The following CLPB variants were observed in gnomAD, a reference collection of about 807,000 sequenced individuals.
The protein encoded by CLPB is mitochondrial disaggregase.
Under a neutral mutation model 78.4 loss-of-function variants are expected in CLPB, and 40 were observed. That is an observed-to-expected ratio of 0.51 (90% confidence interval 0.40 to 0.66). CLPB has a LOEUF of 0.66. Among genes scored for constraint, CLPB ranks in the 30% least tolerant of loss-of-function variants. The probability of loss-of-function intolerance (pLI) is 0.00; values close to 1 mark genes in which losing one functional copy is unlikely to be tolerated. For missense variants in CLPB, 780 were observed against 886.9 expected (o/e 0.88, Z 1.53); for synonymous variants, 333 against 348.0 (o/e 0.96, Z 0.48).
At chr11:72,305,647 C>T (rs1949733714) in intron 9 of CLPB, among the ~76,000 whole-genome samples, 1 of 152,186 alleles carries the variant, frequency 6.6e-6, no homozygotes, top group South Asian at 2.1e-4. Context: ...GCACTGCCTC[C>T]GAGGGTGGTG....
At chr11:72,327,714 G>C (rs1290137143) in intron 6 of CLPB, among the ~76,000 whole-genome samples, 1 of 152,222 alleles carries the variant, frequency 6.6e-6, no homozygotes, top group South Asian at 2.1e-4. Flanking sequence ...GGGAGCTGAT[G>C]ATGAGCATGC....
chr11:72,305,743 G>T (rs1344237864), intron 9 of CLPB, among the ~76,000 whole-genome samples: 3 of 152,156 alleles, frequency 2.0e-5, no homozygotes, highest in African/African-American at 7.2e-5. Context: ...ATTCAGTTGT[G>T]CCAACTAAAA....
At position 72,434,198 on chromosome 11, in the gene CLPB, C is replaced by T. The variant is rs764803556; in HGVS notation, c.277G>A (p.Gly93Ser). Residue 93 changes from glycine to serine, a missense_variant, in exon 1 of 16, where the codon GGT becomes AGT. Gly to Ser is a moderately conservative substitution (Grantham distance 56). Around this residue, in one of 3 missense-constraint regions of CLPB, gnomAD observed 417 missense variants for 414.7 expected, o/e 1.01. Transcript: ENST00000538039. ...LAAATWGRLP[G>S]PEETLPGQDS... Reference sequence around the variant, plus strand: ...TGTCCTGGGAGTGTTTCTTCGGGACCAGGAAGGCGTCCCCAAGTGGCAGCC... The same window carrying T: ...TGTCCTGGGAGTGTTTCTTCGGGACTAGGAAGGCGTCCCCAAGTGGCAGCC... The T allele has an allele frequency of 4.3e-6, 7 of 1,613,382 alleles. No individual in the cohort carries two copies. The South Asian group carries it at 7.7e-5, about 18-fold the overall frequency.
At position 72,377,612 on chromosome 11, in the gene CLPB, A is replaced by C. The variant is rs138783442; in HGVS notation, c.646+2669T>G. 3.2e-4 allele frequency among the ~76,000 whole-genome samples: 42 copies of C among 129,692 alleles called. No homozygotes were observed. In the East Asian group the frequency reaches 9.5e-3, roughly 29 times the overall value. 85.1% of individuals were successfully genotyped at this position (129,692 alleles called of 152,430 possible). ...AAAATAATCCAGAGGTTGACCAGGA[A>C]AAAGAAAATAAAAGAAAAAAGAAAA... On this transcript the variant is annotated intron_variant, in intron 4 of 15. Transcript: ENST00000538039.
At chr11:72,367,074 C>T (rs528171589) in intron 4 of CLPB, among the ~76,000 whole-genome samples, 1 of 152,270 alleles carries the variant, frequency 6.6e-6, no homozygotes, top group South Asian at 2.1e-4. Context: ...GAAATCATGT[C>T]CTTTGCAACA....
chr11:72,418,396 T>G (rs1357839292), intron 2 of CLPB, among the ~76,000 whole-genome samples: 1 of 152,150 alleles, frequency 6.6e-6, no homozygotes, highest in African/African-American at 2.4e-5. Flanking sequence ...AGCAATGGTG[T>G]GAGGCAGGTC....
chr11:72,307,268 A>C lies in CLPB; in HGVS notation c.1067-14T>G, dbSNP rs1259650057. On this transcript the variant is annotated splice_polypyrimidine_tract_variant and intron_variant, in intron 8 of 15. Coordinates refer to ENST00000538039, the MANE Select transcript of CLPB (RefSeq NM_001258392.3). ...GCTCTGTTTTTCCTAGTAAGAAAGA[A>C]GGGGGAGGTGTTGGGTTAGAACCAG... 1 of 1,613,278 alleles carries C rather than the reference A, an allele frequency of 6.2e-7. No homozygotes were observed. The highest frequency in any genetic ancestry group is 8.5e-7 in the Non-Finnish European group (1 of 1,179,484).
intron 5 of CLPB, among the ~76,000 whole-genome samples, chr11:72,337,359 A>G (rs186195729): frequency 1.3e-3 from 199 of 148,158 alleles, no homozygotes; most frequent in Non-Finnish European, 2.1e-3. Context: ...GCCTGTGCTG[A>G]CAACGGCCAT....
intron 2 of CLPB, among the ~76,000 whole-genome samples, chr11:72,414,413 G>C (rs1445389011): frequency 6.6e-6 from 1 of 152,230 alleles, no homozygotes; most frequent in Non-Finnish European, 1.5e-5. Context: ...ACAGCAGTGA[G>C]ACACAAAAGT....
rs553500113 is a variant in CLPB, at chr11:72,422,093, C to A, written c.455+8219G>T. ...CCATCTTGGCTAACATGGTGAAACC[C>A]CACCTCTACTAAAAATACAAAAAAT... On this transcript the variant is annotated intron_variant, in intron 2 of 15. Transcript: ENST00000538039. Among the ~76,000 whole-genome samples the A allele has an allele frequency of 2.6e-5, 4 of 151,054 alleles. No homozygotes were observed. The East Asian group carries it at 7.9e-4, about 30-fold the overall frequency.
At chr11:72,328,248 T>A (rs946996321) in intron 6 of CLPB, among the ~76,000 whole-genome samples, 1 of 152,198 alleles carries the variant, frequency 6.6e-6, no homozygotes, top group Non-Finnish European at 1.5e-5. Context: ...CTGGGATCCC[T>A]AAGTGCCTAG....
At chr11:72,334,664 T>C (rs1307136487) in intron 5 of CLPB, among the ~76,000 whole-genome samples, 1 of 152,236 alleles carries the variant, frequency 6.6e-6, no homozygotes, top group Non-Finnish European at 1.5e-5. Context: ...GACCTCCCCT[T>C]GCCTCCCACC....
At chr11:72,334,546 C>T (rs771226441) in intron 5 of CLPB, among the ~76,000 whole-genome samples, 1 of 152,258 alleles carries the variant, frequency 6.6e-6, no homozygotes, top group Non-Finnish European at 1.5e-5. Flanking sequence ...TGATCGATTT[C>T]ACCTCCACGA....
intron 2 of CLPB, chr11:72,428,928 C>G (rs1856465851): frequency 6.6e-6 from 1 of 152,238 alleles, no homozygotes. Context: ...GTGGCATCCC[C>G]TGGGGGATGG....
intron 3 of CLPB, among the ~76,000 whole-genome samples, chr11:72,382,249 ATCCCTGTATACCCACG>A (rs1276535514): frequency 6.6e-6 from 1 of 152,094 alleles, no homozygotes; most frequent in African/African-American, 2.4e-5. Context: ...CTCCAGGACC[ATCCCTGTATACCCACG>A]TTCCAGGCCA....
At chr11:72,334,581 C>T (rs575031828) in intron 5 of CLPB, among the ~76,000 whole-genome samples, 1 of 152,386 alleles carries the variant, frequency 6.6e-6, no homozygotes, top group South Asian at 2.1e-4. Flanking sequence ...CCATTACAGT[C>T]CAATAAATAA....
intron 5 of CLPB, among the ~76,000 whole-genome samples, chr11:72,357,946 A>G (rs892663470): frequency 2.6e-5 from 4 of 152,292 alleles, no homozygotes; most frequent in Middle Eastern, 6.8e-3. Flanking sequence ...CTGGCCCTCA[A>G]AAAGCACCAG....
At chr11:72,414,662 A>C (rs1855968891) in intron 2 of CLPB, among the ~76,000 whole-genome samples, 1 of 152,226 alleles carries the variant, frequency 6.6e-6, no homozygotes, top group Non-Finnish European at 1.5e-5. Flanking sequence ...AATCTTGCCT[A>C]CAAGGAGCTC....
intron 3 of CLPB, among the ~76,000 whole-genome samples, chr11:72,383,156 G>A (rs1236577854): frequency 6.6e-6 from 1 of 151,380 alleles, no homozygotes; most frequent in East Asian, 2.0e-4. Flanking sequence ...TTTGAAAATA[G>A]GAAGGCCAAT....
Sources: gnomAD v4.1 joint callset for allele counts (sites outside exome capture counted in the v4.1 genomes callset) on GRCh38, gnomAD v4.1.1 for gene constraint, gnomAD v4.1.1 regional missense constraint, MANE v1.5 for transcripts, NCBI Gene and HGNC (gene_info 2026-07-23, HGNC 2026-07-21) for gene names.